Variants in KLF8 observed in about 807,000 individuals in gnomAD.
KLF8 encodes the protein KLF transcription factor 8.
A neutral mutation model predicts 18.2 loss-of-function variants in KLF8; 10 were observed. The observed-to-expected ratio is 0.55, with a 90% CI of 0.34 to 0.93. KLF8 has a LOEUF of 0.93. KLF8 is among the 40% of genes least tolerant of loss of function. The pLI is 0.02. For synonymous variants in KLF8, 109 were observed against 97.3 expected, an observed-to-expected ratio of 1.12 and a Z score of -0.71; for missense variants, 264 against 277.9, an observed-to-expected ratio of 0.95 and a Z score of 0.36.
chrX:56,128,370 A>C, the KLF8 span, among the ~76,000 whole-genome samples: 1 of 111,706 alleles, frequency 9.0e-6, no homozygotes, highest in Admixed American at 9.5e-5. Flanking sequence ...ACAGAACAAT[A>C]ACAAACATAC....
the KLF8 span, among the ~76,000 whole-genome samples, chrX:56,159,940 G>T: frequency 2.7e-5 from 3 of 111,134 alleles, no homozygotes; most frequent in African/African-American, 9.8e-5. Context: ...GCTTTTGAAT[G>T]TGTTTACTCT....
chrX:56,079,153 T>C, the KLF8 span, among the ~76,000 whole-genome samples: 1 of 111,318 alleles, frequency 9.0e-6, no homozygotes, highest in Non-Finnish European at 1.9e-5. Context: ...TCAGTTCTGC[T>C]CTGATTTTAG....
the KLF8 span, among the ~76,000 whole-genome samples, chrX:56,081,233 A>C: frequency 9.5e-4 from 105 of 110,482 alleles, no homozygotes; most frequent in African/African-American, 3.0e-3. Flanking sequence ...TGCTTTTTGG[A>C]GTTTCCAGTT....
chrX:55,952,340 C>T, the KLF8 span, among the ~76,000 whole-genome samples: 1 of 112,488 alleles, frequency 8.9e-6, no homozygotes, highest in South Asian at 3.7e-4. Flanking sequence ...GTTGCCGTAA[C>T]AAGTTACCAC....
At chrX:56,121,501 A>C in the KLF8 span, among the ~76,000 whole-genome samples, 2 of 112,514 alleles carry the variant, frequency 1.8e-5, no homozygotes, top group Non-Finnish European at 3.8e-5. Context: ...CTGTAATTTT[A>C]TCAGACTGCC....
the KLF8 span, among the ~76,000 whole-genome samples, chrX:56,113,542 C>T: frequency 3.4e-5 from 3 of 88,435 alleles, no homozygotes; most frequent in Admixed American, 1.4e-4. Context: ...AGACAGTGAC[C>T]TGGCAGGGAT....
At chrX:55,916,364 T>C in the KLF8 span, among the ~76,000 whole-genome samples, 1,645 of 111,874 alleles carry the variant, frequency 0.015, 37 homozygotes, top group African/African-American at 0.051. Context: ...TACGTCCTGC[T>C]ATTTTGAGAA....
intron 5 of KLF8, among the ~76,000 whole-genome samples, chrX:56,270,596 C>T (rs1050520021): frequency 2.7e-5 from 3 of 111,091 alleles, no homozygotes; most frequent in African/African-American, 9.8e-5. Context: ...TAAACTAAAT[C>T]TGGTGTCTTA....
chrX:55,964,160 C>A, the KLF8 span, among the ~76,000 whole-genome samples: 1 of 111,434 alleles, frequency 9.0e-6, no homozygotes, highest in Non-Finnish European at 1.9e-5. Flanking sequence ...ACACCCACAT[C>A]GAGAACTTAG....
the KLF8 span, among the ~76,000 whole-genome samples, chrX:56,165,076 A>G: frequency 9.3e-6 from 1 of 107,721 alleles, no homozygotes; most frequent in Non-Finnish European, 1.9e-5. Flanking sequence ...TACAAAGAAC[A>G]TGAACTCATC....
chrX:56,253,777 T>TTTTTTTTTTTTTTTTTTTGTTG (rs2066749657), intron 2 of KLF8, among the ~76,000 whole-genome samples: 1 of 98,937 alleles, frequency 1.0e-5, no homozygotes. Context: ...TTTTTTTTTT[T>TTTTTTTTTTTTTTTTTTTGTTG]TGAGATGTTG....
chrX:56,021,075 TTCA>T, the KLF8 span, among the ~76,000 whole-genome samples: 1 of 112,650 alleles, frequency 8.9e-6, no homozygotes, highest in Non-Finnish European at 1.9e-5. Context: ...TCAGCAAGTT[TTCA>T]TCAATTTAAC....
the KLF8 span, among the ~76,000 whole-genome samples, chrX:55,977,407 A>G: frequency 9.0e-6 from 1 of 111,113 alleles, no homozygotes; most frequent in African/African-American, 3.3e-5. Context: ...TTTTATTTAT[A>G]ATTTTATTTA....
the KLF8 span, among the ~76,000 whole-genome samples, chrX:56,071,358 TTTA>T: frequency 1.8e-5 from 2 of 111,695 alleles, no homozygotes; most frequent in African/African-American, 6.5e-5. Context: ...AATGAGCTCT[TTTA>T]TTTTCTTTAA....
the KLF8 span, among the ~76,000 whole-genome samples, chrX:56,112,727 G>C: frequency 9.0e-6 from 1 of 111,659 alleles, no homozygotes; most frequent in Non-Finnish European, 1.9e-5. Context: ...TCTTCTGCCA[G>C]TTCAAATATG....
the KLF8 span, among the ~76,000 whole-genome samples, chrX:55,924,541 T>C: frequency 1.8e-5 from 2 of 112,067 alleles, no homozygotes. Flanking sequence ...TGCATTTTTT[T>C]CCCAGAGCAT....
At chrX:56,165,305 G>A in the KLF8 span, among the ~76,000 whole-genome samples, 1 of 112,082 alleles carries the variant, frequency 8.9e-6, no homozygotes, top group Non-Finnish European at 1.9e-5. Flanking sequence ...CAGGGGTGGA[G>A]GCAGTCCCCC....
chrX:56,235,933 T>C (rs1041400484), intron 1 of KLF8, among the ~76,000 whole-genome samples: 1 of 112,321 alleles, frequency 8.9e-6, no homozygotes, highest in East Asian at 2.8e-4. Context: ...GCTGTGTGTT[T>C]GCAGAAGTGG....
chrX:55,926,225 G>A, the KLF8 span, among the ~76,000 whole-genome samples: 13 of 111,347 alleles, frequency 1.2e-4, no homozygotes, highest in South Asian at 3.0e-3. Context: ...TGCCCTTTAG[G>A]ATGCCCCCTA....
Sources: allele counts gnomAD v4.1 joint callset (sites outside exome capture counted in the v4.1 genomes callset), GRCh38; gene constraint gnomAD v4.1.1; transcripts MANE v1.5; gene names NCBI Gene and HGNC (gene_info 2026-07-23, HGNC 2026-07-21).